PTPRK: variants seen among roughly 807,000 people sequenced by gnomAD.
PTPRK encodes the protein protein tyrosine phosphatase receptor type K.
Under a neutral mutation model 178.0 loss-of-function variants are expected in PTPRK, and 75 were observed. The ratio of observed to expected loss-of-function variants is 0.42; its 90% CI spans 0.35 to 0.51. The LOEUF (loss-of-function observed/expected upper bound fraction) is 0.51. PTPRK is among the 20% of genes least tolerant of loss of function. PTPRK has a pLI of 0.02. For missense variants in PTPRK, 1,441 were observed against 1,797.8 expected (o/e 0.80, Z 3.59); for synonymous variants, 637 against 620.6 (o/e 1.03, Z -0.39).
intron 17 of PTPRK, among the ~76,000 whole-genome samples, chr6:127,996,489 T>C (rs1269594500): frequency 6.6e-6 from 1 of 152,174 alleles, no homozygotes; most frequent in Non-Finnish European, 1.5e-5. Context: ...TGTTGTTTTT[T>C]GAGACAGAGT....
intron 7 of PTPRK, among the ~76,000 whole-genome samples, chr6:128,114,294 G>T (rs1791136868): frequency 1.3e-5 from 2 of 151,944 alleles, no homozygotes; most frequent in African/African-American, 2.4e-5. Context: ...GAGAGAGAGA[G>T]CAAGTGAGCG....
intron 12 of PTPRK, among the ~76,000 whole-genome samples, chr6:128,065,619 A>C (rs1218713157): frequency 6.6e-6 from 1 of 152,162 alleles, no homozygotes; most frequent in African/African-American, 2.4e-5. Flanking sequence ...CTCTATCTTG[A>C]GTAGTTCTAT....
chr6:128,134,290 T>C (rs1794695481), intron 7 of PTPRK, among the ~76,000 whole-genome samples: 1 of 152,216 alleles, frequency 6.6e-6, no homozygotes, highest in South Asian at 2.1e-4. Context: ...CCCGTATTTT[T>C]TGAATTCTAC....
intron 13 of PTPRK, among the ~76,000 whole-genome samples, chr6:128,050,236 T>C (rs533178080): frequency 6.6e-6 from 1 of 152,154 alleles, no homozygotes; most frequent in Admixed American, 6.5e-5. Flanking sequence ...AGCATGCAAG[T>C]TGCACAATGA....
chr6:128,470,261 T>C (rs1850440254), intron 1 of PTPRK, among the ~76,000 whole-genome samples: 1 of 145,304 alleles, frequency 6.9e-6, no homozygotes, highest in South Asian at 2.1e-4. Context: ...TCAGTTTTCA[T>C]ATATATATAT....
At chr6:128,226,619 G>A (rs1442551287) in intron 5 of PTPRK, among the ~76,000 whole-genome samples, 1 of 151,908 alleles carries the variant, frequency 6.6e-6, no homozygotes, top group Non-Finnish European at 1.5e-5. Flanking sequence ...GCATGTTTTA[G>A]CCTGCCCTCC....
At chr6:128,480,495 T>C (rs1428667526) in intron 1 of PTPRK, among the ~76,000 whole-genome samples, 1 of 152,156 alleles carries the variant, frequency 6.6e-6, no homozygotes, top group Non-Finnish European at 1.5e-5. Flanking sequence ...CTCTATCCAT[T>C]CCTCTTCAAT....
intron 3 of PTPRK, among the ~76,000 whole-genome samples, chr6:128,244,771 G>C (rs1417302968): frequency 6.6e-6 from 1 of 152,194 alleles, no homozygotes; most frequent in African/African-American, 2.4e-5. Context: ...CCTCTAGCAG[G>C]AGGAGGTGAA....
At chr6:128,226,994 C>T (rs1811459796) in intron 5 of PTPRK, among the ~76,000 whole-genome samples, 1 of 151,850 alleles carries the variant, frequency 6.6e-6, no homozygotes, top group East Asian at 1.9e-4. Flanking sequence ...CTTATAACCT[C>T]TCTTGCCAGT....
chr6:128,084,497 C>G (rs2115006602), intron 8 of PTPRK, among the ~76,000 whole-genome samples: 1 of 152,258 alleles, frequency 6.6e-6, no homozygotes, highest in East Asian at 1.9e-4. Context: ...AAGAATCAAA[C>G]TAGTTTATAA....
In PTPRK at chr6:128,520,560, C is replaced by T; in HGVS notation, c.-202G>A. 1.8e-6 allele frequency: 1 copy of T among 567,618 alleles called. No homozygotes were observed. Among genetic ancestry groups the T allele is most frequent in the East Asian group, 2.9e-5 (1 of 34,420 alleles). 35.2% of individuals were successfully genotyped at this position (567,618 alleles called of 1,614,324 possible). A position where few individuals can be genotyped will look rare whatever the true frequency, so the allele number is the denominator to read the frequency against. ...CGCCAGCGTCGCCGGCCGGCCGCGG[C>T]GGCAGCTCTCCATGCTCGGCGGAGG... On this transcript the variant is annotated 5_prime_UTR_variant, in exon 1 of 30. Transcript: ENST00000368226.
At chr6:128,397,435 AG>A in intron 2 of PTPRK, 130 bp downstream of exon 2, 2 of 1,099,288 alleles carry the variant, frequency 1.8e-6, no homozygotes, top group East Asian at 4.7e-5. Context: ...TAAGGCTCTT[AG>A]AAGTGATCCA....
At chr6:128,213,114 T>C (rs1808538430) in intron 6 of PTPRK, among the ~76,000 whole-genome samples, 1 of 152,070 alleles carries the variant, frequency 6.6e-6, no homozygotes, top group Non-Finnish European at 1.5e-5. Flanking sequence ...AATGTATGTT[T>C]AATGGACTAT....
chr6:128,382,649 A>C (rs1838108306), intron 2 of PTPRK, among the ~76,000 whole-genome samples: 1 of 152,074 alleles, frequency 6.6e-6, no homozygotes, highest in South Asian at 2.1e-4. Flanking sequence ...TATGTTGGCC[A>C]GGCTGGTCTC....
chr6:128,268,016 T>A (rs148495196), intron 3 of PTPRK, among the ~76,000 whole-genome samples: 31 of 152,122 alleles, frequency 2.0e-4, no homozygotes, highest in African/African-American at 5.5e-4. Context: ...ATCATAAAAC[T>A]ACCAGCATCA....
intron 3 of PTPRK, among the ~76,000 whole-genome samples, chr6:128,277,611 T>A (rs1468511101): frequency 6.6e-6 from 1 of 152,150 alleles, no homozygotes; most frequent in Non-Finnish European, 1.5e-5. Context: ...GGGTGGGAAG[T>A]CCATGTTGAG....
chr6:127,970,989 C>T (rs1432159958), intron 29 of PTPRK, among the ~76,000 whole-genome samples: 2 of 151,888 alleles, frequency 1.3e-5, no homozygotes, highest in African/African-American at 4.8e-5. Context: ...TTTTAAACAG[C>T]CATTTATGCA....
At chr6:128,469,861 A>G (rs1185501896) in intron 1 of PTPRK, among the ~76,000 whole-genome samples, 1 of 152,134 alleles carries the variant, frequency 6.6e-6, no homozygotes, top group Non-Finnish European at 1.5e-5. Flanking sequence ...AAAAAGGGCC[A>G]TGAGCCAAGA....
chr6:128,222,742 T>A (rs1810639505), intron 5 of PTPRK, among the ~76,000 whole-genome samples: 1 of 152,374 alleles, frequency 6.6e-6, no homozygotes, highest in African/African-American at 2.4e-5. Context: ...TTCAACTTTC[T>A]ATTGTTTATG....
Sources: allele counts gnomAD v4.1 joint callset (sites outside exome capture counted in the v4.1 genomes callset), GRCh38; gene constraint gnomAD v4.1.1; transcripts MANE v1.5; gene names NCBI Gene and HGNC (gene_info 2026-07-23, HGNC 2026-07-21).